RIMS2: variants seen among roughly 807,000 people sequenced by gnomAD.
RIMS2 encodes regulating synaptic membrane exocytosis protein 2.
RIMS2 carries 59 observed loss-of-function variants against 174.4 expected under a neutral mutation model. That is an observed-to-expected ratio of 0.34 (90% CI 0.27 to 0.42). The LOEUF (loss-of-function observed/expected upper bound fraction) is 0.42, where lower values mean the gene tolerates loss of function less well. Ranked by LOEUF, RIMS2 falls within the 10% of genes least tolerant of loss-of-function variation. RIMS2 has a pLI of 1.00. For synonymous variants in RIMS2, 606 were observed against 572.5 expected (o/e 1.06, Z -0.84); for missense variants, 1,620 against 1,666.3 (o/e 0.97, Z 0.48).
intron 9 of RIMS2, among the ~76,000 whole-genome samples, chr8:103,919,258 A>G (rs1308226840): frequency 6.6e-6 from 1 of 152,146 alleles, no homozygotes; most frequent in Non-Finnish European, 1.5e-5. Flanking sequence ...CTGGGGGGAA[A>G]TCTTTCCAGG....
chr8:103,536,314 A>G (rs1839734493), intron 1 of RIMS2, among the ~76,000 whole-genome samples: 1 of 152,212 alleles, frequency 6.6e-6, no homozygotes, highest in Non-Finnish European at 1.5e-5. Context: ...AATGTGATTT[A>G]TGGCAGAGAA....
intron 2 of RIMS2, among the ~76,000 whole-genome samples, chr8:103,749,170 G>A (rs1306295442): frequency 6.7e-6 from 1 of 148,662 alleles, no homozygotes; most frequent in Non-Finnish European, 1.5e-5. Flanking sequence ...GTAGTGCAGT[G>A]GCGTGATCTC....
intron 19 of RIMS2, among the ~76,000 whole-genome samples, chr8:104,227,561 C>T (rs1161133953): frequency 6.6e-6 from 1 of 152,104 alleles, no homozygotes; most frequent in Non-Finnish European, 1.5e-5. Flanking sequence ...ACCCATAGAT[C>T]CAAGGGCAAA....
chr8:103,706,728 C>T (rs1218197537), intron 2 of RIMS2, among the ~76,000 whole-genome samples: 1 of 150,300 alleles, frequency 6.7e-6, no homozygotes, highest in Non-Finnish European at 1.5e-5. Flanking sequence ...CTTTCTTTGT[C>T]CTTGATGTTT....
intron 3 of RIMS2, among the ~76,000 whole-genome samples, chr8:103,884,791 C>A (rs2099190096): frequency 6.6e-6 from 1 of 151,720 alleles, no homozygotes; most frequent in Admixed American, 6.6e-5. Context: ...TAGGAATGAT[C>A]TAGAAGATGA....
intron 1 of RIMS2, among the ~76,000 whole-genome samples, chr8:103,506,895 T>C (rs1823941568): frequency 6.6e-6 from 1 of 152,152 alleles, no homozygotes. Context: ...AGCACTGACA[T>C]CAAGTTATTG....
intron 19 of RIMS2, among the ~76,000 whole-genome samples, chr8:104,190,257 A>G (rs1360364397): frequency 6.6e-6 from 1 of 152,072 alleles, no homozygotes; most frequent in Admixed American, 6.6e-5. Context: ...GACCATGATT[A>G]TGCCATTGCA....
In RIMS2 at chr8:104,146,204, C is replaced by CAAAAA. The variant is rs36101798; in HGVS notation, c.3335-98692_3335-98688dup. Among the ~76,000 whole-genome samples the CAAAAA allele has an allele frequency of 9.0e-4, 59 of 65,908 alleles. 1 individual carries two copies. Among genetic ancestry groups the CAAAAA allele is most frequent in the African/African-American group, 1.1e-3 (18 of 16,346 alleles). The allele number at this position is 65,908 out of a possible 152,430, so 43.2% of individuals were successfully genotyped here. A position where few individuals can be genotyped will look rare whatever the true frequency, so the allele number is the denominator to read the frequency against. On this transcript the variant is annotated intron_variant, in intron 19 of 23. Coordinates refer to ENST00000504942, the Ensembl canonical transcript of RIMS2. ...CACAGTGAGAACCTGTCTCCTCTCCCAAAAAAAAAAAAAAAAAAAAAAAAG... is the reference window on the plus strand; with the variant it reads ...CACAGTGAGAACCTGTCTCCTCTCCCAAAAAAAAAAAAAAAAAAAAAAAAAAAAAG...
chr8:104,064,013 C>G (rs2097056995), intron 19 of RIMS2, among the ~76,000 whole-genome samples: 1 of 152,026 alleles, frequency 6.6e-6, no homozygotes, highest in African/African-American at 2.4e-5. Flanking sequence ...GTAGTAAAAC[C>G]TAAACAACCA....
At chr8:103,582,437 C>T (rs1419291038) in intron 1 of RIMS2, among the ~76,000 whole-genome samples, 2 of 152,104 alleles carry the variant, frequency 1.3e-5, no homozygotes, top group East Asian at 1.9e-4. Context: ...TGTCTTGCAC[C>T]TTAGGTGCCA....
At chr8:104,171,215 C>T (rs115464240) in intron 19 of RIMS2, among the ~76,000 whole-genome samples, 71 of 152,236 alleles carry the variant, frequency 4.7e-4, no homozygotes, top group African/African-American at 1.6e-3. Flanking sequence ...TTTTCCTCAA[C>T]TATTACCTGA....
At chr8:104,176,668 A>G (rs2098898727) in intron 19 of RIMS2, among the ~76,000 whole-genome samples, 1 of 151,146 alleles carries the variant, frequency 6.6e-6, no homozygotes, top group South Asian at 2.1e-4. Flanking sequence ...TGAATATATA[A>G]TCATATATTT....
At chr8:103,681,283 A>G (rs1409488822) in intron 1 of RIMS2, among the ~76,000 whole-genome samples, 5 of 152,098 alleles carry the variant, frequency 3.3e-5, no homozygotes, top group Admixed American at 6.6e-5. Flanking sequence ...TACCTGTTAC[A>G]TAGTAAGTAC....
intron 1 of RIMS2, among the ~76,000 whole-genome samples, chr8:103,607,772 C>T (rs557565944): frequency 6.6e-5 from 9 of 136,116 alleles, no homozygotes; most frequent in Admixed American, 6.4e-4. Flanking sequence ...TGCTGATACC[C>T]TTTCTTCCAG....
In RIMS2 at chr8:103,511,626, T is replaced by C. The variant is rs1010256505; in HGVS notation, c.176+10564T>C. On this transcript the variant is annotated intron_variant, in intron 1 of 23. Coordinates refer to ENST00000504942, the Ensembl canonical transcript of RIMS2. ...TAATCAGTTGTTTAACTTAGGCATG[T>C]AAAGATTAAAAGTAGCTATGAAATA... 1.3e-4 allele frequency among the ~76,000 whole-genome samples: 20 copies of C among 152,288 alleles called. 1 individual carries two copies. The South Asian group carries it at 3.5e-3, about 27-fold the overall frequency.
intron 19 of RIMS2, among the ~76,000 whole-genome samples, chr8:104,080,998 G>A (rs189867784): frequency 2.4e-4 from 37 of 152,052 alleles, no homozygotes; most frequent in African/African-American, 8.2e-4. Context: ...GTCCATAATC[G>A]TAGTTATTTT....
intron 11 of RIMS2, among the ~76,000 whole-genome samples, chr8:103,930,459 A>G (rs774684848): frequency 2.0e-4 from 31 of 152,086 alleles, no homozygotes; most frequent in Non-Finnish European, 4.6e-4. Context: ...CGTAATTATC[A>G]TAGATCCTGA....
rs148810276 is a variant in RIMS2, at chr8:103,878,621, A to G, written c.699-6677A>G. Reference sequence around the variant, plus strand: ...GTAGGATTCCCTCCTTAATCTTTTGATAGTTTCAGTAGTATTGGTACCAGA... The same window carrying G: ...GTAGGATTCCCTCCTTAATCTTTTGGTAGTTTCAGTAGTATTGGTACCAGA... On this transcript the variant is annotated intron_variant, in intron 3 of 23. Coordinates refer to ENST00000504942, the Ensembl canonical transcript of RIMS2. Among the ~76,000 whole-genome samples, 484 of 151,358 alleles carry G rather than the reference A, an allele frequency of 3.2e-3. 2 individuals are homozygous for G. The highest frequency in any genetic ancestry group is 0.011 in the African/African-American group (460 of 41,310).
chr8:103,942,107 T>C (rs545065637), intron 13 of RIMS2, among the ~76,000 whole-genome samples: 6 of 152,290 alleles, frequency 3.9e-5, no homozygotes, highest in Admixed American at 2.6e-4. Context: ...TTAAGCTTAA[T>C]ACCAATTAGT....
Sources: gnomAD v4.1 joint callset for allele counts (sites outside exome capture counted in the v4.1 genomes callset) on GRCh38, gnomAD v4.1.1 for gene constraint, MANE v1.5 for transcripts, NCBI Gene and HGNC (gene_info 2026-07-23, HGNC 2026-07-21) for gene names.